Variants in RFTN1 observed in about 807,000 individuals in gnomAD.
RFTN1 encodes raftlin, lipid raft linker 1, also known as raftlin.
RFTN1 carries 26 observed loss-of-function variants against 46.5 expected under a neutral mutation model. The observed-to-expected ratio is 0.56, with a 90% confidence interval of 0.41 to 0.78. The LOEUF is 0.78. RFTN1 is among the 30% of genes least tolerant of loss of function. RFTN1 has a pLI of 0.00. For synonymous variants in RFTN1, 261 were observed against 284.2 expected (o/e 0.92, Z 0.82); for missense variants, 693 against 718.7 (o/e 0.96, Z 0.41).
At chr3:16,408,682 C>A (rs1277502212) in intron 4 of RFTN1, among the ~76,000 whole-genome samples, 1 of 146,850 alleles carries the variant, frequency 6.8e-6, no homozygotes, top group Non-Finnish European at 1.5e-5. Context: ...CCAAAGCTGA[C>A]AGCTGACAAT....
intron 2 of RFTN1, among the ~76,000 whole-genome samples, chr3:16,463,179 T>C (rs887627317): frequency 1.3e-5 from 2 of 152,246 alleles, no homozygotes; most frequent in African/African-American, 4.8e-5. Context: ...CTTGAATCTA[T>C]GGGTTGATCT....
chr3:16,490,451 T>C (rs2076522246), intron 2 of RFTN1, among the ~76,000 whole-genome samples: 1 of 152,072 alleles, frequency 6.6e-6, no homozygotes, highest in Non-Finnish European at 1.5e-5. Flanking sequence ...CAGGGAACAA[T>C]AGGGGGAGGA....
rs1559850764 is a variant in RFTN1, at chr3:16,353,072, A to G, written c.1146+4860T>C. Among the ~76,000 whole-genome samples, 1 of 152,196 alleles carries G rather than the reference A, an allele frequency of 6.6e-6. No individual in the cohort carries two copies. Among genetic ancestry groups the G allele is most frequent in the Non-Finnish European group, 1.5e-5 (1 of 68,024 alleles). On this transcript the variant is annotated intron_variant, in intron 7 of 9. Transcript: ENST00000334133. This position sits in a 1 kb window ranked among gnomAD's most constrained non-coding sequence, Gnocchi z 5.4. ...GAAAGAGGCAGGAAAGGGACAGACC[A>G]GTCCCCACTGTGAGACATGAGAAAG...
At position 16,366,424 on chromosome 3, in the gene RFTN1, G is replaced by A. The variant is rs368634932; in HGVS notation, c.1030+3652C>T. ...CTGGCCGACATGTTCCTGAGTGCCT[G>A]GCTGCTCTATATGTGGCCCCTGGAC... is the stretch of plus-strand genomic sequence containing the variant. On this transcript the variant is annotated intron_variant, in intron 6 of 9. Coordinates refer to ENST00000334133, the MANE Select transcript of RFTN1 (RefSeq NM_015150.2). Among the ~76,000 whole-genome samples the A allele has an allele frequency of 7.2e-5, 11 of 152,298 alleles. No homozygotes were observed. The East Asian group carries it at 2.1e-3, about 29-fold the overall frequency.
rs368380786 is a variant in RFTN1, at chr3:16,316,798, C to T, written c.*30G>A. 6.2e-7 allele frequency: 1 copy of T among 1,612,662 alleles called. No homozygotes were observed. The highest frequency in any genetic ancestry group is 1.1e-5 in the South Asian group (1 of 90,860). On this transcript the variant is annotated 3_prime_UTR_variant, in exon 10 of 10. Coordinates refer to ENST00000334133, the MANE Select transcript of RFTN1 (RefSeq NM_015150.2). This position sits in a 1 kb window ranked among gnomAD's most constrained non-coding sequence, Gnocchi z 4.5. ...GTAAGATGCCTTGGGTTTGGCAACT[C>T]ACCTAGTTTTAGCACAAATTGCCCA...
chr3:16,456,922 A>G (rs548507115), intron 2 of RFTN1, among the ~76,000 whole-genome samples: 1 of 152,256 alleles, frequency 6.6e-6, no homozygotes, highest in Non-Finnish European at 1.5e-5. Context: ...GAAATGTGTT[A>G]GAGTTATAGA....
At chr3:16,403,883 T>A (rs868147976) in intron 4 of RFTN1, among the ~76,000 whole-genome samples, 1 of 4,240 alleles carries the variant, frequency 2.4e-4, no homozygotes, top group Non-Finnish European at 4.0e-4. Flanking sequence ...TTTATATATA[T>A]ATATAATATA....
chr3:16,324,116 C>T (rs1259510564), intron 8 of RFTN1, among the ~76,000 whole-genome samples: 1 of 151,080 alleles, frequency 6.6e-6, no homozygotes, highest in Non-Finnish European at 1.5e-5. Context: ...TTTTTTTTTT[C>T]CCCTGCTTCC....
rs755119165 is a variant in RFTN1 at position 16,421,747 on chromosome 3, T to C, written c.332+12104A>G. Among the ~76,000 whole-genome samples the C allele has an allele frequency of 1.3e-5, 2 of 152,212 alleles. No homozygotes were observed. Among genetic ancestry groups the C allele is most frequent in the South Asian group, 4.1e-4 (2 of 4,828 alleles). ...TTCCACATGAGAGAGAGAAGGATTT[T>C]ACATTTACATTACGGGTATTCTCTT... is the stretch of plus-strand genomic sequence containing the variant. On this transcript the variant is annotated intron_variant, in intron 3 of 9. Transcript: ENST00000334133. This position sits in a 1 kb window ranked among gnomAD's most constrained non-coding sequence, Gnocchi z 4.6.
intron 2 of RFTN1, among the ~76,000 whole-genome samples, chr3:16,436,284 T>G (rs983359083): frequency 6.6e-6 from 1 of 152,076 alleles, no homozygotes; most frequent in African/African-American, 2.4e-5. Context: ...AAATTTAGTT[T>G]TTGATGTATC....
rs910580080 is a variant in RFTN1 at position 16,468,581 on chromosome 3, G to C, written c.145+25144C>G. On this transcript the variant is annotated intron_variant, in intron 2 of 9. Coordinates refer to ENST00000334133, the MANE Select transcript of RFTN1 (RefSeq NM_015150.2). The surrounding 1 kb of genome is among the most constrained non-coding windows in gnomAD (Gnocchi z 4.4). ...AAATCAGCCCAAATAGAGTGATGGA[G>C]TAGCGGGGAGAGGCTGACGCATTTC... Among the ~76,000 whole-genome samples, 2 of 150,410 alleles carry C rather than the reference G, an allele frequency of 1.3e-5. No individual in the cohort carries two copies. The highest frequency in any genetic ancestry group is 4.2e-4 in the South Asian group (2 of 4,776).
In RFTN1 at chr3:16,323,379, C is replaced by A. The variant is rs149272972; in HGVS notation, c.1329G>T (p.Ser443=). 33 of 1,605,300 alleles carry A rather than the reference C, an allele frequency of 2.1e-5. No individual in the cohort carries two copies. The highest frequency in any genetic ancestry group is 1.7e-4 in the African/African-American group (13 of 74,446). ...GAAGGCCATCAAAGTCTCTTACCTT[C>A]GATTCCTTCTTCTTGATTTTCTGAG... ...CLPQKIKKKE[S]KFQWRFSREE... Residue 443 remains serine, a synonymous_variant, in exon 9 of 10, where the codon TCG becomes TCT. Coordinates refer to ENST00000334133, the MANE Select transcript of RFTN1 (RefSeq NM_015150.2).
At chr3:16,405,312 A>G (rs2074826261) in intron 4 of RFTN1, among the ~76,000 whole-genome samples, 1 of 152,184 alleles carries the variant, frequency 6.6e-6, no homozygotes, top group African/African-American at 2.4e-5. Context: ...TAGGACTTAG[A>G]AAACAAGTCT....
Position 16,483,843 on chromosome 3 carries a change from G to C in RFTN1, c.145+9882C>G, listed in dbSNP as rs757211296. 3.9e-4 allele frequency among the ~76,000 whole-genome samples: 60 copies of C among 152,198 alleles called. 1 individual carries two copies. In the South Asian group the frequency reaches 4.8e-3, roughly 12 times the overall value. On this transcript the variant is annotated intron_variant, in intron 2 of 9. Coordinates refer to ENST00000334133, the MANE Select transcript of RFTN1 (RefSeq NM_015150.2). This position sits in a 1 kb window ranked among gnomAD's most constrained non-coding sequence, Gnocchi z 4.8. ...GACCAGCAGCATCAGCATTGCCTGG[G>C]AACTTATTACAAAAGCAGATTCTCA...
chr3:16,340,927 C>T (rs1476290779), intron 7 of RFTN1, among the ~76,000 whole-genome samples: 1 of 152,042 alleles, frequency 6.6e-6, no homozygotes, highest in Admixed American at 6.6e-5. Flanking sequence ...GACTTTTATC[C>T]AAAATATACA....
At chr3:16,478,205 C>A (rs1227924497) in intron 2 of RFTN1, among the ~76,000 whole-genome samples, 1 of 152,184 alleles carries the variant, frequency 6.6e-6, no homozygotes, top group African/African-American at 2.4e-5. Flanking sequence ...GTCACAAAAA[C>A]TATTAATGTG....
At chr3:16,405,952 C>T (rs796092082) in intron 4 of RFTN1, among the ~76,000 whole-genome samples, 9 of 152,240 alleles carry the variant, frequency 5.9e-5, no homozygotes, top group African/African-American at 2.2e-4. Flanking sequence ...TCATCTTGAC[C>T]TAACTGAGCT....
intron 4 of RFTN1, among the ~76,000 whole-genome samples, chr3:16,395,846 GC>G (rs1237819966): frequency 2.0e-5 from 3 of 152,148 alleles, no homozygotes; most frequent in Non-Finnish European, 4.4e-5. Context: ...CAAGACTTTG[GC>G]CTCCCAAAAT....
chr3:16,325,852 T>TC (rs1350269025), intron 8 of RFTN1, among the ~76,000 whole-genome samples: 3 of 152,190 alleles, frequency 2.0e-5, no homozygotes, highest in African/African-American at 7.2e-5. Flanking sequence ...CCCCATGCTG[T>TC]CCATCACTCT....
Sources: allele counts gnomAD v4.1 joint callset (sites outside exome capture counted in the v4.1 genomes callset), GRCh38; gene constraint gnomAD v4.1.1; non-coding constraint Gnocchi (gnomAD v3.1); transcripts MANE v1.5; gene names NCBI Gene and HGNC (gene_info 2026-07-23, HGNC 2026-07-21).